Variants in EFNA5 observed in about 807,000 individuals in gnomAD.
EFNA5 encodes the protein ephrin-A5.
EFNA5 carries 5 observed loss-of-function variants against 22.9 expected under a neutral mutation model. That is an observed-to-expected ratio of 0.22 (90% CI 0.11 to 0.46). The LOEUF (loss-of-function observed/expected upper bound fraction) is 0.46. Ranked by LOEUF, EFNA5 falls within the 20% of genes least tolerant of loss-of-function variation. The pLI, the probability that EFNA5 is intolerant of heterozygous loss-of-function variation, is 0.99. For missense variants in EFNA5, 237 were observed against 293.3 expected, an observed-to-expected ratio of 0.81 and a Z score of 1.40; for synonymous variants, 113 against 112.2, an observed-to-expected ratio of 1.01 and a Z score of -0.04.
At chr5:107,646,127 T>C in intron 1 of EFNA5, among the ~76,000 whole-genome samples, 1 of 152,192 alleles carries the variant, frequency 6.6e-6, no homozygotes, top group South Asian at 2.1e-4. Flanking sequence ...ATATGCTTAG[T>C]AATTAGTATC....
chr5:107,580,244 G>A (rs1025975169), intron 1 of EFNA5, among the ~76,000 whole-genome samples: 1 of 152,074 alleles, frequency 6.6e-6, no homozygotes, highest in African/African-American at 2.4e-5. Flanking sequence ...TCCATTTAGA[G>A]AACATTTTTA....
intron 1 of EFNA5, among the ~76,000 whole-genome samples, chr5:107,591,748 G>C (rs1352934779): frequency 1.4e-5 from 2 of 142,120 alleles, no homozygotes; most frequent in Admixed American, 1.5e-4. Context: ...TTGACCCTGG[G>C]AGGCGGAAGT....
At chr5:107,536,669 A>T (rs1747934799) in intron 1 of EFNA5, among the ~76,000 whole-genome samples, 1 of 152,214 alleles carries the variant, frequency 6.6e-6, no homozygotes, top group Non-Finnish European at 1.5e-5. Context: ...ATCAAACAGG[A>T]GCTCAAAGTC....
rs994027099 is a variant in EFNA5, at chr5:107,381,311, G to C, written c.631C>G (p.Pro211Ala). Residue 211 changes from proline to alanine, a missense_variant, in exon 5 of 5, where the codon CCC (proline) becomes GCC (alanine). Pro to Ala is a conservative substitution (Grantham distance 27, BLOSUM62 -1). This residue lies in a region of EFNA5 where 104 missense variants were observed against 114.5 expected (regional missense o/e 0.91). Transcript: ENST00000333274. ...GENAAQTPRI[P>A]SRLLAILLFL... ...AGTAGGATTGCCAAAAGGCGGCTGG[G>C]TATCCTTGGTGTTTGTGCCGCGTTC... 1 of 1,614,058 alleles carries C rather than the reference G, an allele frequency of 6.2e-7. No individual in the cohort carries two copies. Among genetic ancestry groups the C allele is most frequent in the Non-Finnish European group, 8.5e-7 (1 of 1,179,942 alleles).
chr5:107,381,038 G>A lies in EFNA5; in HGVS notation c.*217C>T, dbSNP rs1747440623. 1 of 591,626 alleles carries A rather than the reference G, an allele frequency of 1.7e-6. No individual in the cohort carries two copies. Among genetic ancestry groups the A allele is most frequent in the Admixed American group, 3.2e-5 (1 of 31,550 alleles). 36.6% of individuals were successfully genotyped at this position (591,626 alleles called of 1,614,324 possible). On this transcript the variant is annotated 3_prime_UTR_variant, in exon 5 of 5. Transcript: ENST00000333274. ...GGGGTGAGAGAAGCCAAGGGCCAGGGCTGGGGGTGGGGCGGGGTGGGGTGA... is the reference window on the plus strand; with the variant it reads ...GGGGTGAGAGAAGCCAAGGGCCAGGACTGGGGGTGGGGCGGGGTGGGGTGA...
chr5:107,551,199 G>C (rs1047215823), intron 1 of EFNA5, among the ~76,000 whole-genome samples: 2 of 152,102 alleles, frequency 1.3e-5, no homozygotes, highest in Admixed American at 6.6e-5. Flanking sequence ...CCAGCCCCAA[G>C]GTCACACAGC....
chr5:107,602,321 T>G (rs1463572827), intron 1 of EFNA5, among the ~76,000 whole-genome samples: 1 of 152,184 alleles, frequency 6.6e-6, no homozygotes, highest in Non-Finnish European at 1.5e-5. Flanking sequence ...AATTTGGGAC[T>G]TCATTACCTC....
intron 2 of EFNA5, among the ~76,000 whole-genome samples, chr5:107,420,967 C>A (rs1484886027): frequency 2.0e-5 from 3 of 152,112 alleles, no homozygotes; most frequent in Non-Finnish European, 4.4e-5. Flanking sequence ...TGAAACACAT[C>A]GATAGTTAAA....
At chr5:107,513,708 CAGAA>C (rs1331251570) in intron 1 of EFNA5, among the ~76,000 whole-genome samples, 1 of 152,160 alleles carries the variant, frequency 6.6e-6, no homozygotes, top group Non-Finnish European at 1.5e-5. Flanking sequence ...TGTTTCTGAA[CAGAA>C]AGAGGCTGGT....
rs977208235 is a variant in EFNA5 at position 107,456,077 on chromosome 5, T to C, written c.126-28568A>G. ...TTAATTGTCTCTTAACTTAGAACTC[T>C]TAATTGAAAAAGAATTAGGAACCTG... On this transcript the variant is annotated intron_variant, in intron 1 of 4. Transcript: ENST00000333274. Among the ~76,000 whole-genome samples, 6 of 152,258 alleles carry C rather than the reference T, an allele frequency of 3.9e-5. No homozygotes were observed. In the South Asian group the frequency reaches 6.2e-4, roughly 16 times the overall value.
At chr5:107,400,362 C>T (rs984898640) in intron 2 of EFNA5, among the ~76,000 whole-genome samples, 4 of 150,938 alleles carry the variant, frequency 2.7e-5, no homozygotes, top group Non-Finnish European at 4.4e-5. Context: ...AAAACCCACC[C>T]TTCTGTGTAT....
At chr5:107,381,585 A>G (rs1357162099) in intron 4 of EFNA5, among the ~76,000 whole-genome samples, 2 of 152,252 alleles carry the variant, frequency 1.3e-5, no homozygotes, top group Non-Finnish European at 2.9e-5. Context: ...AGCAATATTA[A>G]TACTTTCCTT....
At chr5:107,434,258 G>C (rs959847194) in intron 1 of EFNA5, among the ~76,000 whole-genome samples, 1 of 152,134 alleles carries the variant, frequency 6.6e-6, no homozygotes, top group African/African-American at 2.4e-5. Flanking sequence ...CTTTACTAAG[G>C]TAAGTAGATA....
At chr5:107,500,168 T>C (rs1747099111) in intron 1 of EFNA5, among the ~76,000 whole-genome samples, 1 of 152,194 alleles carries the variant, frequency 6.6e-6, no homozygotes, top group Non-Finnish European at 1.5e-5. Context: ...GAGAGACCAA[T>C]GCAATATAAT....
At chr5:107,446,679 A>T (rs1275863774) in intron 1 of EFNA5, among the ~76,000 whole-genome samples, 1 of 152,212 alleles carries the variant, frequency 6.6e-6, no homozygotes, top group East Asian at 1.9e-4. Flanking sequence ...GCTTGAACCC[A>T]GGAGGCAGAG....
At chr5:107,472,767 A>C (rs1238180345) in intron 1 of EFNA5, among the ~76,000 whole-genome samples, 1 of 152,224 alleles carries the variant, frequency 6.6e-6, no homozygotes, top group Non-Finnish European at 1.5e-5. Flanking sequence ...TGCACCAAAA[A>C]GGTACAACTC....
At chr5:107,599,603 T>C (rs746163133) in intron 1 of EFNA5, among the ~76,000 whole-genome samples, 40 of 152,212 alleles carry the variant, frequency 2.6e-4, no homozygotes, top group Non-Finnish European at 5.0e-4. Context: ...TAAATAGATC[T>C]ACAGCCAATT....
intron 1 of EFNA5, among the ~76,000 whole-genome samples, chr5:107,471,392 C>A (rs1422281199): frequency 2.0e-5 from 3 of 152,076 alleles, no homozygotes; most frequent in Non-Finnish European, 4.4e-5. Context: ...AGATCTCTTC[C>A]CTTTCTGAGA....
intron 1 of EFNA5, among the ~76,000 whole-genome samples, chr5:107,621,670 T>G (rs1168772799): frequency 6.6e-6 from 1 of 152,126 alleles, no homozygotes; most frequent in Non-Finnish European, 1.5e-5. Flanking sequence ...GACTAATACC[T>G]AATTCACAGG....
Sources: allele counts gnomAD v4.1 joint callset (sites outside exome capture counted in the v4.1 genomes callset), GRCh38; gene constraint gnomAD v4.1.1; regional missense constraint gnomAD v4.1.1; transcripts MANE v1.5; gene names NCBI Gene and HGNC (gene_info 2026-07-23, HGNC 2026-07-21).